Variants in CRAMP1 observed in about 807,000 individuals in gnomAD.
CRAMP1 encodes protein cramped-like.
CRAMP1 carries 50 observed loss-of-function variants against 115.4 expected under a neutral mutation model. The observed-to-expected ratio is 0.43, with a 90% CI of 0.35 to 0.55. The LOEUF (loss-of-function observed/expected upper bound fraction) is 0.55. Ranked by LOEUF, CRAMP1 falls within the 20% of genes least tolerant of loss-of-function variation. CRAMP1 has a pLI of 0.01. For missense variants in CRAMP1, 1,679 were observed against 1,721.7 expected, an observed-to-expected ratio of 0.98 and a Z score of 0.44; for synonymous variants, 866 against 745.4, an observed-to-expected ratio of 1.16 and a Z score of -2.64.
At position 1,668,008 on chromosome 16, in the gene CRAMP1, A is replaced by G. The variant is rs2036890678; in HGVS notation, c.3149A>G (p.Gln1050Arg). 6.2e-7 allele frequency: 1 copy of G among 1,613,630 alleles called. No homozygotes were observed. The highest frequency in any genetic ancestry group is 1.3e-5 in the African/African-American group (1 of 74,912). ...TCTGAGCTGCCCAAGGCCCCTCTCC[A>G]GAATGGCCTCTCCATACCGCTGTCC... ...SLSELPKAPL[Q>R]NGLSIPLSSS... Residue 1050 changes from glutamine to arginine, a missense_variant, in exon 18 of 21, where the codon CAG becomes CGG. Physicochemically the swap from Gln to Arg is conservative, Grantham distance 43 (BLOSUM62 1). Coordinates refer to ENST00000397412, the MANE Select transcript of CRAMP1 (RefSeq NM_020825.4).
At chr16:1,667,262 C>G in intron 16 of CRAMP1, 73 bp from the exon 17 acceptor site, 1 of 1,254,760 alleles carries the variant, frequency 8.0e-7, no homozygotes, top group Non-Finnish European at 1.2e-6. Flanking sequence ...TTTTCTGGAA[C>G]TCTGTCGCGG....
chr16:1,632,083 G>A (rs575046569), intron 3 of CRAMP1, 129 bp from the exon 4 acceptor site: 2 of 978,634 alleles, frequency 2.0e-6, no homozygotes, highest in East Asian at 2.7e-5. Context: ...ATAAGAGCTT[G>A]GAAGGGCTGC....
chr16:1,617,596 G>C (rs1024620969), intron 2 of CRAMP1, among the ~76,000 whole-genome samples: 3 of 152,166 alleles, frequency 2.0e-5, no homozygotes, highest in African/African-American at 7.2e-5. Flanking sequence ...GGAATACTTA[G>C]CTCAATCACT....
At chr16:1,632,534 A>G (rs1453212024) in intron 4 of CRAMP1, among the ~76,000 whole-genome samples, 169 bp downstream of exon 4, 3 of 152,236 alleles carry the variant, frequency 2.0e-5, no homozygotes, top group Non-Finnish European at 4.4e-5. Flanking sequence ...GTGCTGTCTA[A>G]CTCGGTCAAA....
Position 1,655,238 on chromosome 16 carries a change from C to A in CRAMP1, c.1057C>A (p.Arg353=), listed in dbSNP as rs765813513. 3 of 1,613,922 alleles carry A rather than the reference C, an allele frequency of 1.9e-6. No homozygotes were observed. The South Asian group carries it at 3.3e-5, about 18-fold the overall frequency. Residue 353 remains arginine, a synonymous_variant, in exon 9 of 21, where the codon CGA becomes AGA. Coordinates refer to ENST00000397412, the MANE Select transcript of CRAMP1 (RefSeq NM_020825.4). ...CCGTAGGATGATCGTGGAGCTACATCGAAAGGTCTCCAGCCTCATCGAATT... is the reference window on the plus strand; with the variant it reads ...CCGTAGGATGATCGTGGAGCTACATAGAAAGGTCTCCAGCCTCATCGAATT... ...PRLRMIVELH[R]KVSSLIEFLK...
At chr16:1,664,164 C>T (rs1025799688) in intron 13 of CRAMP1, among the ~76,000 whole-genome samples, 4 of 152,204 alleles carry the variant, frequency 2.6e-5, no homozygotes, top group Non-Finnish European at 5.9e-5. Context: ...ACTTGTAGGT[C>T]GAGAGACACT....
chr16:1,624,053 C>T (rs894697935), intron 2 of CRAMP1, among the ~76,000 whole-genome samples: 15 of 151,900 alleles, frequency 9.9e-5, no homozygotes, highest in African/African-American at 2.4e-4. Context: ...GGTGCAGCAC[C>T]GTCTGGTAGC....
chr16:1,661,307 G>T (rs1023952762), intron 11 of CRAMP1, among the ~76,000 whole-genome samples: 1 of 152,060 alleles, frequency 6.6e-6, no homozygotes, highest in Non-Finnish European at 1.5e-5. Flanking sequence ...GGGTGACAGA[G>T]GGGGCCGGGT....
chr16:1,663,223 C>T (rs1272947454), intron 13 of CRAMP1, among the ~76,000 whole-genome samples: 3 of 152,112 alleles, frequency 2.0e-5, no homozygotes, highest in Non-Finnish European at 4.4e-5. Context: ...CCGAGGATGC[C>T]GTATGCAAGC....
rs768594615 is a variant in CRAMP1, at chr16:1,657,039, G to A, written c.2235+47G>A. On this transcript the variant is annotated intron_variant, in intron 10 of 20. Coordinates refer to ENST00000397412, the MANE Select transcript of CRAMP1 (RefSeq NM_020825.4). Reference sequence around the variant, plus strand: ...CCCTCTGGCGGCCCAAGGGAAGCCAGGCCCAGCCTTGGAGGGCTCCCTGCT... The same window carrying A: ...CCCTCTGGCGGCCCAAGGGAAGCCAAGCCCAGCCTTGGAGGGCTCCCTGCT... 3 of 1,446,970 alleles carry A rather than the reference G, an allele frequency of 2.1e-6. No individual in the cohort carries two copies. In the Admixed American group the frequency reaches 7.9e-5, roughly 38 times the overall value. 89.6% of individuals were successfully genotyped at this position (1,446,970 alleles called of 1,614,324 possible). A position where few individuals can be genotyped will look rare whatever the true frequency, so the allele number is the denominator to read the frequency against.
At position 1,626,144 on chromosome 16, in the gene CRAMP1, CCTT is replaced by C; in HGVS notation, c.523_525del (p.Phe175del). 6.5e-7 allele frequency: 1 copy of C among 1,529,210 alleles called. No individual in the cohort carries two copies. Among genetic ancestry groups the C allele is most frequent in the Non-Finnish European group, 8.8e-7 (1 of 1,134,000 alleles). 94.7% of individuals were successfully genotyped at this position (1,529,210 alleles called of 1,614,324 possible). On this transcript the variant is annotated inframe_deletion, in exon 3 of 21. Coordinates refer to ENST00000397412, the MANE Select transcript of CRAMP1 (RefSeq NM_020825.4). Reference sequence around the variant, plus strand: ...TCGTGGAGCACAGAGGACAAGAACACCTTCTTCGAGGGGCTGTACGAGGTGAGT... The same window carrying C: ...TCGTGGAGCACAGAGGACAAGAACACCTTCGAGGGGCTGTACGAGGTGAGT...
At position 1,656,202 on chromosome 16, in the gene CRAMP1, C is replaced by G. The variant is rs1394971470; in HGVS notation, c.1445C>G (p.Ala482Gly). The G allele has an allele frequency of 6.2e-7, 1 of 1,603,434 alleles. No individual in the cohort carries two copies. The highest frequency in any genetic ancestry group is 1.1e-5 in the South Asian group (1 of 90,698). The change falls in exon 10 of 21, where the codon GCC becomes GGC. Residue 482 changes from alanine (A) to glycine (G), a missense_variant. Transcript: ENST00000397412. This position sits in a 1 kb window ranked among gnomAD's most constrained non-coding sequence, Gnocchi z 5.6. ...GGGCGGCCCCCTCCTGCGGCTGACG[C>G]CTTGCAGAGCTCCGGAGAGAGTTCC... ...GVGRPPPAADALQSSGESSPE... is the reference protein window; with the variant it reads ...GVGRPPPAADGLQSSGESSPE...
chr16:1,619,170 G>A (rs1340014946), intron 2 of CRAMP1, among the ~76,000 whole-genome samples: 1 of 152,160 alleles, frequency 6.6e-6, no homozygotes, highest in South Asian at 2.1e-4. Context: ...CAACAGCGGG[G>A]TTTTGTTTTT....
At chr16:1,658,259 C>T (rs1156522852) in intron 10 of CRAMP1, among the ~76,000 whole-genome samples, 1 of 151,958 alleles carries the variant, frequency 6.6e-6, no homozygotes, top group African/African-American at 2.4e-5. Context: ...TGAGGCCAAG[C>T]CTGAGGGTGA....
chr16:1,663,606 A>G (rs1194128903), intron 13 of CRAMP1, among the ~76,000 whole-genome samples: 2 of 152,196 alleles, frequency 1.3e-5, no homozygotes, highest in African/African-American at 2.4e-5. Flanking sequence ...TTCACATATC[A>G]TAATGTTTGC....
chr16:1,646,427 G>A (rs2036674874), intron 6 of CRAMP1, among the ~76,000 whole-genome samples: 1 of 152,224 alleles, frequency 6.6e-6, no homozygotes, highest in Admixed American at 6.5e-5. Context: ...GTGGCATCAT[G>A]CTGTGGTTTT....
chr16:1,627,133 A>G (rs1194467548), intron 3 of CRAMP1, among the ~76,000 whole-genome samples: 2 of 150,698 alleles, frequency 1.3e-5, no homozygotes, highest in Admixed American at 1.3e-4. Context: ...TAGGTTCGTG[A>G]TCGGTGAGCC....
chr16:1,620,680 G>A (rs767129865), intron 2 of CRAMP1: 2 of 456,654 alleles, frequency 4.4e-6, no homozygotes, highest in Non-Finnish European at 8.8e-6. Context: ...TCTATTAGCC[G>A]CGTGCCTTTC....
chr16:1,652,576 C>T lies in CRAMP1; in HGVS notation c.908C>T (p.Pro303Leu). Reference sequence around the variant, plus strand: ...CGGGCCCTGAAGAAGCTGTGCGATCCAGATGGTAAGTGAATGGGGCGCTCC... The same window carrying T: ...CGGGCCCTGAAGAAGCTGTGCGATCTAGATGGTAAGTGAATGGGGCGCTCC... Reference protein sequence around the residue: ...MCRALKKLCDPDGLSDEEDQK... With the variant: ...MCRALKKLCDLDGLSDEEDQK... The change falls in exon 7 of 21, where the codon CCA (proline) becomes CTA (leucine). Residue 303 changes from proline to leucine, a missense_variant. Physicochemically the swap from Pro to Leu is moderately conservative, Grantham distance 98 (BLOSUM62 -3). Transcript: ENST00000397412. 1 of 1,552,618 alleles carries T rather than the reference C, an allele frequency of 6.4e-7. No homozygotes were observed. The highest frequency in any genetic ancestry group is 8.7e-7 in the Non-Finnish European group (1 of 1,147,418).
Sources: gnomAD v4.1 joint callset for allele counts (sites outside exome capture counted in the v4.1 genomes callset) on GRCh38, gnomAD v4.1.1 for gene constraint, Gnocchi (gnomAD v3.1) non-coding constraint, MANE v1.5 for transcripts, NCBI Gene and HGNC (gene_info 2026-07-23, HGNC 2026-07-21) for gene names.